The following GCH1 variants were observed in gnomAD, a reference collection of about 807,000 sequenced individuals.
GCH1 encodes the protein GTP cyclohydrolase I.
Under a neutral mutation model 25.9 loss-of-function variants are expected in GCH1, and 5 were observed. The observed-to-expected ratio is 0.19, with a 90% CI of 0.10 to 0.41. The LOEUF is 0.41. Ranked by LOEUF, GCH1 falls within the 10% of genes least tolerant of loss-of-function variation. The pLI is 1.00. For synonymous variants in GCH1, 159 were observed against 129.6 expected, an observed-to-expected ratio of 1.23 and a Z score of -1.54; for missense variants, 261 against 336.5, an observed-to-expected ratio of 0.78 and a Z score of 1.75.
chr14:54,896,476 T>A (rs1341783845), intron 1 of GCH1, among the ~76,000 whole-genome samples: 4 of 146,742 alleles, frequency 2.7e-5, no homozygotes, highest in Admixed American at 6.8e-5. Flanking sequence ...TATATCTCTT[T>A]AAAAAAAAAA....
At chr14:54,891,411 T>C (rs1298753675) in intron 1 of GCH1, among the ~76,000 whole-genome samples, 2 of 146,830 alleles carry the variant, frequency 1.4e-5, no homozygotes, top group Non-Finnish European at 3.0e-5. Context: ...TGGCATTTTT[T>C]TTTTTTTTTT....
chr14:54,872,371 C>T (rs1199153364), intron 1 of GCH1, among the ~76,000 whole-genome samples: 131 of 152,176 alleles, frequency 8.6e-4, no homozygotes, highest in Non-Finnish European at 5.1e-4. Flanking sequence ...AAGGAACAAC[C>T]GGTACCAGCC....
rs551881935 is a variant in GCH1 at position 54,871,461 on chromosome 14, G to A, written c.344-6025C>T. Reference sequence around the variant, plus strand: ...AGTGCATCTCCTCCTCCAAAGGAACGCAGCTCCTCACCAGCAACGGAACAA... The same window carrying A: ...AGTGCATCTCCTCCTCCAAAGGAACACAGCTCCTCACCAGCAACGGAACAA... On this transcript the variant is annotated intron_variant, in intron 1 of 5. Coordinates refer to ENST00000491895, the MANE Select transcript of GCH1 (RefSeq NM_000161.3). Among the ~76,000 whole-genome samples, 12 of 152,318 alleles carry A rather than the reference G, an allele frequency of 7.9e-5. No individual in the cohort carries two copies. In the East Asian group the frequency reaches 9.6e-4, roughly 12 times the overall value.
intron 1 of GCH1, among the ~76,000 whole-genome samples, chr14:54,872,640 G>A (rs1183222445): frequency 6.6e-6 from 1 of 152,132 alleles, no homozygotes; most frequent in Non-Finnish European, 1.5e-5. Context: ...TCAAAATAAA[G>A]GGATGGAGGA....
chr14:54,858,993 T>C (rs2039855466), intron 3 of GCH1, among the ~76,000 whole-genome samples: 1 of 152,218 alleles, frequency 6.6e-6, no homozygotes, highest in Non-Finnish European at 1.5e-5. Context: ...AAGAAGATTG[T>C]AGCAGGAAAG....
chr14:54,862,619 T>TTC (rs1199481538), intron 2 of GCH1, among the ~76,000 whole-genome samples: 1 of 147,532 alleles, frequency 6.8e-6, no homozygotes, highest in East Asian at 2.0e-4. Flanking sequence ...GTTGGTTTTT[T>TTC]TTTTTTTGGT....
chr14:54,858,339 G>A (rs577211246), intron 3 of GCH1, among the ~76,000 whole-genome samples: 1 of 152,230 alleles, frequency 6.6e-6, no homozygotes, highest in South Asian at 2.1e-4. Flanking sequence ...AGGCTGGAGT[G>A]CAATGGCACA....
At chr14:54,872,892 A>G (rs200640299) in intron 1 of GCH1, among the ~76,000 whole-genome samples, 31,506 of 150,092 alleles carry the variant, frequency 0.21, 4,585 homozygotes, top group East Asian at 0.4. Flanking sequence ...AGACTCCCAC[A>G]CAATAATAAT....
rs542811477 is a variant in GCH1 at position 54,843,187 on chromosome 14, T to C, written c.*830A>G. The C allele has an allele frequency of 1.5e-4, 222 of 1,474,934 alleles. No individual in the cohort carries two copies. Among genetic ancestry groups the C allele is most frequent in the Middle Eastern group, 2.4e-4 (1 of 4,090 alleles). The allele number at this position is 1,474,934 out of a possible 1,614,324, so 91.4% of individuals were successfully genotyped here. ...ACACAAAGGAAACTCAATAAACCTA[T>C]AAAGTTAAAACTGAGCTGACTAGTT... is the stretch of plus-strand genomic sequence containing the variant. On this transcript the variant is annotated 3_prime_UTR_variant, in exon 6 of 6. Transcript: ENST00000491895.
intron 4 of GCH1, 101 bp downstream of exon 4, chr14:54,846,998 C>T (rs1216623303): frequency 5.7e-6 from 3 of 526,006 alleles, no homozygotes; most frequent in African/African-American, 3.9e-5. Flanking sequence ...CCACTGCACT[C>T]CAGCCTGGGT....
At position 54,850,004 on chromosome 14, in the gene GCH1, T is replaced by C. The variant is rs147772763; in HGVS notation, c.510-2874A>G. Among the ~76,000 whole-genome samples the C allele has an allele frequency of 6.2e-4, 95 of 152,310 alleles. No individual in the cohort carries two copies. In the East Asian group the frequency reaches 0.017, roughly 27 times the overall value. ...TTTGTTTGTTTTTTGGCACGGAGTC[T>C]TGCTCTGTTGCCCAGGCTGGAGTGC... On this transcript the variant is annotated intron_variant, in intron 3 of 5. Transcript: ENST00000491895.
intron 1 of GCH1, among the ~76,000 whole-genome samples, chr14:54,877,803 CT>C (rs2040184993): frequency 6.6e-6 from 1 of 152,180 alleles, no homozygotes; most frequent in African/African-American, 2.4e-5. Context: ...CCCCCAAGTG[CT>C]TATTTAAGCA....
chr14:54,847,118 G>T lies in GCH1; in HGVS notation c.522C>A (p.Ile174=). 1.0e-6 allele frequency: 1 copy of T among 983,524 alleles called. No homozygotes were observed. The allele number at this position is 983,524 out of a possible 1,614,324, so 60.9% of individuals were successfully genotyped here. A position where few individuals can be genotyped will look rare whatever the true frequency, so the allele number is the denominator to read the frequency against. ...GCTTACCTTGTAGTCTTCTACTATA[G>T]ATTTCTACAATCCTAGAAAAGAAAG... ...GLSKLARIVE[I]YSRRLQVQER... is the part of the protein sequence containing the mutation. The change falls in exon 4 of 6, where the codon ATC becomes ATA. Residue 174 remains isoleucine (I), a synonymous_variant. Coordinates refer to ENST00000491895, the MANE Select transcript of GCH1 (RefSeq NM_000161.3).
At chr14:54,874,693 C>G (rs1174554184) in intron 1 of GCH1, among the ~76,000 whole-genome samples, 1 of 152,120 alleles carries the variant, frequency 6.6e-6, no homozygotes, top group Non-Finnish European at 1.5e-5. Context: ...TTTCTATACA[C>G]CAATAACAGA....
In GCH1 at chr14:54,847,116, T is replaced by A. The variant is rs781250171; in HGVS notation, c.524A>T (p.Tyr175Phe). 24 of 991,026 alleles carry A rather than the reference T, an allele frequency of 2.4e-5. No individual in the cohort carries two copies. Among genetic ancestry groups the A allele is most frequent in the Non-Finnish European group, 3.6e-5 (23 of 634,462 alleles). The allele number at this position is 991,026 out of a possible 1,614,324, so 61.4% of individuals were successfully genotyped here. The change falls in exon 4 of 6, where the codon TAT becomes TTT. Residue 175 changes from tyrosine to phenylalanine, a missense_variant. Coordinates refer to ENST00000491895, the MANE Select transcript of GCH1 (RefSeq NM_000161.3). ...AAGCTTACCTTGTAGTCTTCTACTA[T>A]AGATTTCTACAATCCTAGAAAAGAA... is the stretch of plus-strand genomic sequence containing the variant. ...LSKLARIVEIYSRRLQVQERL... is the reference protein window; with the variant it reads ...LSKLARIVEIFSRRLQVQERL...
chr14:54,887,387 C>T (rs2040367305), intron 1 of GCH1, among the ~76,000 whole-genome samples: 1 of 151,914 alleles, frequency 6.6e-6, no homozygotes, highest in African/African-American at 2.4e-5. Flanking sequence ...TTGCAGTTAC[C>T]AGGAATATGA....
chr14:54,870,958 T>G (rs1228550865), intron 1 of GCH1, among the ~76,000 whole-genome samples: 1 of 152,196 alleles, frequency 6.6e-6, no homozygotes, highest in Non-Finnish European at 1.5e-5. Flanking sequence ...CAGAAACTTC[T>G]GCAGACTTAA....
intron 1 of GCH1, among the ~76,000 whole-genome samples, chr14:54,878,678 T>C (rs2040198450): frequency 1.3e-5 from 2 of 152,216 alleles, no homozygotes; most frequent in Middle Eastern, 3.2e-3. Flanking sequence ...TTCTACACAC[T>C]TCCCTGTAAC....
At chr14:54,896,168 A>T (rs748735967) in intron 1 of GCH1, among the ~76,000 whole-genome samples, 3 of 152,252 alleles carry the variant, frequency 2.0e-5, no homozygotes, top group South Asian at 2.1e-4. Flanking sequence ...GATATATAAA[A>T]GATATAAAGT....
Sources: gnomAD v4.1 joint callset for allele counts (sites outside exome capture counted in the v4.1 genomes callset) on GRCh38, gnomAD v4.1.1 for gene constraint, MANE v1.5 for transcripts, NCBI Gene and HGNC (gene_info 2026-07-23, HGNC 2026-07-21) for gene names.